FA2H: variants seen among roughly 807,000 people sequenced by gnomAD.
The protein encoded by FA2H is fatty acid 2-hydroxylase, also known as fatty acid alpha-hydroxylase.
In FA2H, 22 loss-of-function variants were observed where a neutral mutation model predicts 44.9. That is an observed-to-expected ratio of 0.49 (90% CI 0.35 to 0.70). FA2H has a LOEUF of 0.70. Among genes scored for constraint, FA2H ranks in the 30% least tolerant of loss-of-function variants. FA2H has a pLI of 0.01. For synonymous variants in FA2H, 243 were observed against 213.2 expected (o/e 1.14, Z -1.22); for missense variants, 501 against 504.9 (o/e 0.99, Z 0.07).
At chr16:74,751,609 A>G (rs1962527338) in intron 1 of FA2H, among the ~76,000 whole-genome samples, 1 of 151,926 alleles carries the variant, frequency 6.6e-6, no homozygotes, top group African/African-American at 2.4e-5. Flanking sequence ...CAGGTAAGGG[A>G]CAGCACTGAA....
intron 1 of FA2H, among the ~76,000 whole-genome samples, chr16:74,764,621 A>C (rs1962772963): frequency 6.6e-6 from 1 of 152,188 alleles, no homozygotes; most frequent in African/African-American, 2.4e-5. Context: ...ACTAATGGGT[A>C]CTAGACTTAA....
rs183031473 is a variant in FA2H at position 74,773,110 on chromosome 16, G to C, written c.270+1376C>G. ...AGGCTGGTCTTGAACTCCTGGGCTC[G>C]AGCGATCCTCTTACCTCGGCCTCCC... On this transcript the variant is annotated intron_variant, in intron 1 of 6. Transcript: ENST00000219368. Among the ~76,000 whole-genome samples the C allele has an allele frequency of 3.1e-3, 469 of 152,132 alleles. 1 individual carries two copies. Among genetic ancestry groups the C allele is most frequent in the African/African-American group, 0.01 (435 of 41,504 alleles).
At chr16:74,725,251 A>G (rs1396039485) in intron 4 of FA2H, among the ~76,000 whole-genome samples, 1 of 152,180 alleles carries the variant, frequency 6.6e-6, no homozygotes, top group Non-Finnish European at 1.5e-5. Context: ...GGCCCCTCTC[A>G]TGTCAACCAT....
chr16:74,721,097 G>T (rs773057442), intron 4 of FA2H, among the ~76,000 whole-genome samples: 2 of 152,116 alleles, frequency 1.3e-5, no homozygotes, highest in Non-Finnish European at 2.9e-5. Flanking sequence ...GGTACTGTTG[G>T]TTCATATCAT....
At chr16:74,714,313 G>T in intron 6 of FA2H, 44 bp from the exon 7 acceptor site, 1 of 1,261,270 alleles carries the variant, frequency 7.9e-7, no homozygotes, top group Non-Finnish European at 1.1e-6. Context: ...CATTGAAGGA[G>T]CAGGCGTGCG....
rs971625894 is a variant in FA2H at position 74,713,080 on chromosome 16, C to T, written c.*1110G>A. ...TAGCTCCGCAGCAAACAGTACAAAT[C>T]ACAAGGTCCGTCAAACTGCTTCTCT... On this transcript the variant is annotated 3_prime_UTR_variant, in exon 7 of 7. Transcript: ENST00000219368. 1 of 152,620 alleles carries T rather than the reference C, an allele frequency of 6.6e-6. No homozygotes were observed. Among genetic ancestry groups the T allele is most frequent in the African/African-American group, 2.4e-5 (1 of 41,436 alleles). The allele number at this position is 152,620 out of a possible 1,614,324, so 9.5% of individuals were successfully genotyped here.
At chr16:74,756,407 G>C (rs1045104964) in intron 1 of FA2H, among the ~76,000 whole-genome samples, 2 of 152,130 alleles carry the variant, frequency 1.3e-5, no homozygotes, top group Non-Finnish European at 2.9e-5. Flanking sequence ...GCTGCCGCTT[G>C]CAAGGGTTTC....
At chr16:74,718,849 G>A in intron 5 of FA2H, 139 bp downstream of exon 5, 1 of 999,916 alleles carries the variant, frequency 1.0e-6, no homozygotes. Context: ...GTTGCCCCGT[G>A]AGTCACATCA....
At chr16:74,767,683 C>G (rs1444758586) in intron 1 of FA2H, among the ~76,000 whole-genome samples, 1 of 152,094 alleles carries the variant, frequency 6.6e-6, no homozygotes, top group East Asian at 1.9e-4. Context: ...CTGGAAAAGG[C>G]AGGAAAAAAG....
At chr16:74,734,058 G>A (rs1962132644) in intron 2 of FA2H, among the ~76,000 whole-genome samples, 3 of 152,168 alleles carry the variant, frequency 2.0e-5, no homozygotes, top group African/African-American at 7.2e-5. Flanking sequence ...CCACATTAGT[G>A]GGTCTCTTCC....
rs78852307 is a variant in FA2H at position 74,733,960 on chromosome 16, G to A, written c.363+6063C>T. The stretch of plus-strand genomic sequence containing the variant: ...GAGGGGTCCTGGGGAGGCAGAGGAG[G>A]AAAGCAGGGAAGGCCCCCTTCTACC... On this transcript the variant is annotated intron_variant, in intron 2 of 6. Transcript: ENST00000219368. 4.6e-3 allele frequency among the ~76,000 whole-genome samples: 694 copies of A among 152,320 alleles called. 8 individuals are homozygous for A. The highest frequency in any genetic ancestry group is 0.016 in the African/African-American group (667 of 41,560).
At chr16:74,763,202 C>T (rs1347788790) in intron 1 of FA2H, among the ~76,000 whole-genome samples, 2 of 152,128 alleles carry the variant, frequency 1.3e-5, no homozygotes, top group African/African-American at 2.4e-5. Flanking sequence ...TTACCTAAGA[C>T]TAGGGGCTAT....
chr16:74,716,242 C>A, intron 6 of FA2H, 105 bp downstream of exon 6: 1 of 1,337,110 alleles, frequency 7.5e-7, no homozygotes, highest in Non-Finnish European at 1.1e-6. Flanking sequence ...CTGTATATGC[C>A]CCGTACATGG....
chr16:74,722,306 T>C (rs1961858210), intron 4 of FA2H, among the ~76,000 whole-genome samples: 1 of 151,642 alleles, frequency 6.6e-6, no homozygotes, highest in African/African-American at 2.4e-5. Context: ...GAGGCTGAGG[T>C]GGGAGGATCG....
At chr16:74,732,438 CTTTTTCTTTTTT>C (rs1427772817) in intron 2 of FA2H, among the ~76,000 whole-genome samples, 4 of 151,238 alleles carry the variant, frequency 2.6e-5, no homozygotes, top group African/African-American at 7.3e-5. Flanking sequence ...TTTTCTTTTT[CTTTTTCTTTTTT>C]TTTTAAGATT....
intron 2 of FA2H, 94 bp from the exon 3 acceptor site, chr16:74,727,480 C>T: frequency 7.4e-7 from 1 of 1,352,406 alleles, no homozygotes; most frequent in East Asian, 2.3e-5. Flanking sequence ...TCCCCTGCTC[C>T]TACCTCAGCT....
At chr16:74,746,914 A>G (rs970397962) in intron 1 of FA2H, among the ~76,000 whole-genome samples, 1 of 152,220 alleles carries the variant, frequency 6.6e-6, no homozygotes, top group Non-Finnish European at 1.5e-5. Flanking sequence ...GATGAAGGGC[A>G]ACCTCAGGTG....
At chr16:74,714,328 C>G in intron 6 of FA2H, 59 bp from the exon 7 acceptor site, 20 of 1,118,450 alleles carry the variant, frequency 1.8e-5, no homozygotes, top group Non-Finnish European at 2.3e-5. Context: ...CGTGCGCTGG[C>G]TTGGGAAGGG....
At chr16:74,727,495 T>C in intron 2 of FA2H, 109 bp from the exon 3 acceptor site, 1 of 1,236,066 alleles carries the variant, frequency 8.1e-7, no homozygotes, top group Non-Finnish European at 1.2e-6. Context: ...TCAGCTCCTG[T>C]GATCTGTGTG....
Sources: allele counts gnomAD v4.1 joint callset (sites outside exome capture counted in the v4.1 genomes callset), GRCh38; gene constraint gnomAD v4.1.1; transcripts MANE v1.5; gene names NCBI Gene and HGNC (gene_info 2026-07-23, HGNC 2026-07-21).